The following SLC35G4 variants were observed in gnomAD, a reference collection of about 807,000 sequenced individuals.
SLC35G4 encodes the protein acyl-malonyl-condensing enzyme 1-like protein 1.
A neutral mutation model predicts 15.8 loss-of-function variants in SLC35G4; 12 were observed. The observed-to-expected ratio is 0.76, with a 90% CI of 0.49 to 1.23. The LOEUF (loss-of-function observed/expected upper bound fraction) is 1.23, where lower values mean the gene tolerates loss of function less well. SLC35G4 is among the 50% of genes most tolerant of loss of function. SLC35G4 has a pLI of 0.00. For missense variants in SLC35G4, 390 were observed against 422.1 expected, an observed-to-expected ratio of 0.92 and a Z score of 0.67; for synonymous variants, 177 against 186.5, an observed-to-expected ratio of 0.95 and a Z score of 0.41.
In SLC35G4 at chr18:11,609,810, T is replaced by C; in HGVS notation, c.215T>C (p.Leu72Pro). ...YQASNLPSLE[L>P]VICRCLFHLP... ...GCTTCCAACCTGCCCTCGCTGGAGC[T>C]GGTCATCTGTCGATGCCTCTTCCAC... The change falls in exon 1 of 1, where the codon CTG (leucine) becomes CCG (proline). Residue 72 changes from leucine to proline, a missense_variant. Around this residue, in one of 2 missense-constraint regions of SLC35G4, gnomAD observed 331 missense variants for 241.1 expected, o/e 1.37. Coordinates refer to ENST00000588001, the MANE Select transcript of SLC35G4 (RefSeq NM_001282300.2). 6.2e-6 allele frequency: 10 copies of C among 1,613,730 alleles called. No individual in the cohort carries two copies. Among genetic ancestry groups the C allele is most frequent in the Non-Finnish European group, 7.6e-6 (9 of 1,179,786 alleles).
chr18:11,610,019 T>C lies in SLC35G4; in HGVS notation c.424T>C (p.Ser142Pro). The change falls in exon 1 of 1, where the codon TCC (serine) becomes CCC (proline). Residue 142 changes from serine (S) to proline (P), a missense_variant. By Grantham distance (74) the Ser-to-Pro change is moderately conservative. This residue lies in a region of SLC35G4 where 331 missense variants were observed against 241.1 expected (regional missense o/e 1.37). Transcript: ENST00000588001. Reference sequence around the variant, plus strand: ...TCGCAAACATTCTTCCACCGTCTGCTCCGCCATCCTCACCCTCTGCCTTGA... The same window carrying C: ...TCGCAAACATTCTTCCACCGTCTGCCCCGCCATCCTCACCCTCTGCCTTGA... ...TVRKHSSTVCSAILTLCLESQ... is the reference protein window; with the variant it reads ...TVRKHSSTVCPAILTLCLESQ... 2 of 1,613,912 alleles carry C rather than the reference T, an allele frequency of 1.2e-6. No individual in the cohort carries two copies. Among genetic ancestry groups the C allele is most frequent in the Non-Finnish European group, 1.7e-6 (2 of 1,179,810 alleles).
chr18:11,609,630 A>C lies in SLC35G4; in HGVS notation c.35A>C (p.Asp12Ala). The C allele has an allele frequency of 1.2e-6, 2 of 1,608,962 alleles. No homozygotes were observed. The highest frequency in any genetic ancestry group is 2.2e-5 in the South Asian group (2 of 90,482). Residue 12 changes from aspartate (D) to alanine (A), a missense_variant, in exon 1 of 1, where the codon GAC (aspartate) becomes GCC (alanine). By Grantham distance (126) the Asp-to-Ala change is moderately radical. Coordinates refer to ENST00000588001, the MANE Select transcript of SLC35G4 (RefSeq NM_001282300.2). ...AGTCACCCCTACTTCAACCTGCCTGACTCCACACACCCATCGCCGCCCTCC... is the reference window on the plus strand; with the variant it reads ...AGTCACCCCTACTTCAACCTGCCTGCCTCCACACACCCATCGCCGCCCTCC... Reference protein sequence around the residue: ...AGSHPYFNLPDSTHPSPPSTP... With the variant: ...AGSHPYFNLPASTHPSPPSTP...
Position 11,609,930 on chromosome 18 carries a change from T to C in SLC35G4, c.335T>C (p.Val112Ala), listed in dbSNP as rs761954248. Residue 112 changes from valine to alanine, a missense_variant, in exon 1 of 1, where the codon GTC becomes GCC. Transcript: ENST00000588001. ...ACCTGCTTCTGTGCCCTGCTCAACG[T>C]CCTCAACATTGGATGTGCCTATAGT... ...GRTCFCALLN[V>A]LNIGCAYSAV... is the part of the protein sequence containing the mutation. 1.9e-6 allele frequency: 3 copies of C among 1,614,006 alleles called. No homozygotes were observed. Among genetic ancestry groups the C allele is most frequent in the Non-Finnish European group, 8.5e-7 (1 of 1,179,870 alleles).
Position 11,609,791 on chromosome 18 carries a change from A to T in SLC35G4, c.196A>T (p.Asn66Tyr), listed in dbSNP as rs2029968698. 5.0e-6 allele frequency: 8 copies of T among 1,613,728 alleles called. No homozygotes were observed. Among genetic ancestry groups the T allele is most frequent in the Non-Finnish European group, 6.8e-6 (8 of 1,179,784 alleles). The change falls in exon 1 of 1, where the codon AAC becomes TAC. Residue 66 changes from asparagine to tyrosine, a missense_variant. Physicochemically the swap from Asn to Tyr is moderately radical, Grantham distance 143. Coordinates refer to ENST00000588001, the MANE Select transcript of SLC35G4 (RefSeq NM_001282300.2). Reference protein sequence around the residue: ...PLSRMAYQASNLPSLELVICR... With the variant: ...PLSRMAYQASYLPSLELVICR... ...TTCTCGTATGGCTTACCAGGCTTCC[A>T]ACCTGCCCTCGCTGGAGCTGGTCAT...
At position 11,610,221 on chromosome 18, in the gene SLC35G4, T is replaced by C; in HGVS notation, c.626T>C (p.Val209Ala). Residue 209 changes from valine (V) to alanine (A), a missense_variant, in exon 1 of 1, where the codon GTC becomes GCC. By Grantham distance (64) the Val-to-Ala change is moderately conservative (BLOSUM62 0). Around this residue, in one of 2 missense-constraint regions of SLC35G4, gnomAD observed 59 missense variants for 181.0 expected, o/e 0.33. Transcript: ENST00000588001. ...GGLALSLGLL[V>A]YRSLHFPSCL... ...CTGGCGCTGTCCCTGGGGCTTCTCG[T>C]CTATCGTTCTCTGCACTTTCCCTCC... 1 of 1,609,102 alleles carries C rather than the reference T, an allele frequency of 6.2e-7. No individual in the cohort carries two copies. Among genetic ancestry groups the C allele is most frequent in the Non-Finnish European group, 8.5e-7 (1 of 1,178,522 alleles).
chr18:11,609,864 G>A lies in SLC35G4; in HGVS notation c.269G>A (p.Arg90His), dbSNP rs112705545. The A allele has an allele frequency of 0.11, 180,757 of 1,613,208 alleles. 13,474 individuals are homozygous for A. Among genetic ancestry groups the A allele is most frequent in the East Asian group, 0.34 (15,352 of 44,804 alleles). The change falls in exon 1 of 1, where the codon CGT becomes CAT. Residue 90 changes from arginine to histidine, a missense_variant. Physicochemically the swap from Arg to His is conservative, Grantham distance 29. Coordinates refer to ENST00000588001, the MANE Select transcript of SLC35G4 (RefSeq NM_001282300.2). ...CCTATTGCCCTGCTACTTAAACTGC[G>A]TGGCGACCCCCTTCTGGGACCTCCT... ...HLPIALLLKLRGDPLLGPPDI... is the reference protein window; with the variant it reads ...HLPIALLLKLHGDPLLGPPDI...
In SLC35G4 at chr18:11,609,793, C is replaced by G; in HGVS notation, c.198C>G (p.Asn66Lys). The stretch of plus-strand genomic sequence containing the variant: ...CTCGTATGGCTTACCAGGCTTCCAA[C>G]CTGCCCTCGCTGGAGCTGGTCATCT... ...PLSRMAYQASNLPSLELVICR... is the reference protein window; with the variant it reads ...PLSRMAYQASKLPSLELVICR... The change falls in exon 1 of 1, where the codon AAC (asparagine) becomes AAG (lysine). Residue 66 changes from asparagine to lysine, a missense_variant. Asn to Lys is a moderately conservative substitution (Grantham distance 94). Transcript: ENST00000588001. The G allele has an allele frequency of 1.2e-6, 2 of 1,613,784 alleles. No homozygotes were observed. The highest frequency in any genetic ancestry group is 1.7e-6 in the Non-Finnish European group (2 of 1,179,808).
chr18:11,609,965 G>T lies in SLC35G4; in HGVS notation c.370G>T (p.Val124Leu), dbSNP rs1347119908. 20 of 1,613,908 alleles carry T rather than the reference G, an allele frequency of 1.2e-5. 1 individual carries two copies. The highest frequency in any genetic ancestry group is 1.7e-5 in the Admixed American group (1 of 60,002). The part of the protein sequence containing the change: ...NIGCAYSAVQ[V>L]VPTGNAATVR... The stretch of plus-strand genomic sequence containing the variant: ...TGGATGTGCCTATAGTGCGGTTCAG[G>T]TGGTGCCCACTGGCAATGCTGCCAC... Residue 124 changes from valine (V) to leucine (L), a missense_variant, in exon 1 of 1, where the codon GTG becomes TTG. This residue lies in a region of SLC35G4 where 331 missense variants were observed against 241.1 expected (regional missense o/e 1.37). Coordinates refer to ENST00000588001, the MANE Select transcript of SLC35G4 (RefSeq NM_001282300.2).
rs761954248 is a variant in SLC35G4 at position 11,609,930 on chromosome 18, T to G, written c.335T>G (p.Val112Gly). 13 of 1,613,888 alleles carry G rather than the reference T, an allele frequency of 8.1e-6. No homozygotes were observed. The highest frequency in any genetic ancestry group is 1.0e-5 in the Non-Finnish European group (12 of 1,179,878). ...GRTCFCALLN[V>G]LNIGCAYSAV... ...ACCTGCTTCTGTGCCCTGCTCAACG[T>G]CCTCAACATTGGATGTGCCTATAGT... Residue 112 changes from valine to glycine, a missense_variant, in exon 1 of 1, where the codon GTC becomes GGC. Physicochemically the swap from Val to Gly is moderately radical, Grantham distance 109. Transcript: ENST00000588001.
chr18:11,610,198 G>A lies in SLC35G4; in HGVS notation c.603G>A (p.Leu201=). Reference sequence around the variant, plus strand: ...ATGTGCAGGCTTTCCTGGGAGGACTGGCGCTGTCCCTGGGGCTTCTCGTCT... The same window carrying A: ...ATGTGCAGGCTTTCCTGGGAGGACTAGCGCTGTCCCTGGGGCTTCTCGTCT... ...LGYVQAFLGG[L]ALSLGLLVYR... is the part of the protein sequence containing the mutation. Residue 201 remains leucine (L), a synonymous_variant, in exon 1 of 1, where the codon CTG becomes CTA. Transcript: ENST00000588001. 6.2e-7 allele frequency: 1 copy of A among 1,611,060 alleles called. No individual in the cohort carries two copies. The highest frequency in any genetic ancestry group is 1.1e-5 in the South Asian group (1 of 90,968).
chr18:11,609,939 T>A lies in SLC35G4; in HGVS notation c.344T>A (p.Ile115Asn), dbSNP rs773509211. 6.2e-7 allele frequency: 1 copy of A among 1,613,980 alleles called. No individual in the cohort carries two copies. Among genetic ancestry groups the A allele is most frequent in the African/African-American group, 1.3e-5 (1 of 75,056 alleles). Residue 115 changes from isoleucine (I) to asparagine (N), a missense_variant, in exon 1 of 1, where the codon ATT (isoleucine) becomes AAT (asparagine). Transcript: ENST00000588001. ...TGTGCCCTGCTCAACGTCCTCAACA[T>A]TGGATGTGCCTATAGTGCGGTTCAG... ...CFCALLNVLN[I>N]GCAYSAVQVV...
At position 11,609,606 on chromosome 18, in the gene SLC35G4, G is replaced by A; in HGVS notation, c.11G>A (p.Ser4Asn). MAG[S>N]HPYFNLPDST... is the part of the protein sequence containing the mutation. The stretch of plus-strand genomic sequence containing the variant: ...AAAGTCCAAGGAAAGATGGCTGGCA[G>A]TCACCCCTACTTCAACCTGCCTGAC... The change falls in exon 1 of 1, where the codon AGT becomes AAT. Residue 4 changes from serine to asparagine, a missense_variant. Coordinates refer to ENST00000588001, the MANE Select transcript of SLC35G4 (RefSeq NM_001282300.2). The A allele has an allele frequency of 6.3e-7, 1 of 1,594,644 alleles. No individual in the cohort carries two copies. Among genetic ancestry groups the A allele is most frequent in the East Asian group, 2.2e-5 (1 of 44,722 alleles).
chr18:11,609,703 CA>C lies in SLC35G4; in HGVS notation c.109del (p.Thr37ProfsTer131). ...ACCAGCGCTGCCAGCCCTCTGATGC[CA>C]CCAATGGCCTGCTGGTGGCCCTGCT... ...WHQRCQPSDATNGLLVALLGG... is the reference protein window; with the variant it reads ...WHQRCQPSDAXNGLLVALLGG... On this transcript the variant is annotated frameshift_variant, in exon 1 of 1. Transcript: ENST00000588001. LOFTEE classifies it high-confidence loss of function. 1 of 1,613,976 alleles carries C rather than the reference CA, an allele frequency of 6.2e-7. No homozygotes were observed.
chr18:11,610,180 G>C lies in SLC35G4; in HGVS notation c.585G>C (p.Gln195His). 6.2e-7 allele frequency: 1 copy of C among 1,611,524 alleles called. No individual in the cohort carries two copies. Among genetic ancestry groups the C allele is most frequent in the Non-Finnish European group, 8.5e-7 (1 of 1,179,664 alleles). ...TGVYTGLGYVQAFLGGLALSL... is the reference protein window; with the variant it reads ...TGVYTGLGYVHAFLGGLALSL... The stretch of plus-strand genomic sequence containing the variant: ...TCTACACCGGCCTGGGCTATGTGCA[G>C]GCTTTCCTGGGAGGACTGGCGCTGT... Residue 195 changes from glutamine to histidine, a missense_variant, in exon 1 of 1, where the codon CAG becomes CAC. Physicochemically the swap from Gln to His is conservative, Grantham distance 24. Coordinates refer to ENST00000588001, the MANE Select transcript of SLC35G4 (RefSeq NM_001282300.2).
rs543810198 is a variant in SLC35G4 at position 11,610,067 on chromosome 18, G to A, written c.472G>A (p.Asp158Asn). 5.4e-5 allele frequency: 87 copies of A among 1,613,976 alleles called. No individual in the cohort carries two copies. In the East Asian group the frequency reaches 1.1e-3, roughly 20 times the overall value. Residue 158 changes from aspartate (D) to asparagine (N), a missense_variant, in exon 1 of 1, where the codon GAC (aspartate) becomes AAC (asparagine). By Grantham distance (23) the Asp-to-Asn change is conservative. Transcript: ENST00000588001. ...CLESQVLSGY[D>N]WCGLLGSILG... ...TGAGAGCCAGGTTCTCAGTGGCTAC[G>A]ACTGGTGTGGACTGTTGGGCAGCAT...
In SLC35G4 at chr18:11,609,698, G is replaced by T. The variant is rs1440462869; in HGVS notation, c.103G>T (p.Asp35Tyr). The T allele has an allele frequency of 6.2e-7, 1 of 1,614,004 alleles. No individual in the cohort carries two copies. Among genetic ancestry groups the T allele is most frequent in the South Asian group, 1.1e-5 (1 of 91,068 alleles). Residue 35 changes from aspartate (D) to tyrosine (Y), a missense_variant, in exon 1 of 1, where the codon GAT becomes TAT. By Grantham distance (160) the Asp-to-Tyr change is radical (BLOSUM62 -3). This residue lies in a region of SLC35G4 where 331 missense variants were observed against 241.1 expected (regional missense o/e 1.37). Coordinates refer to ENST00000588001, the MANE Select transcript of SLC35G4 (RefSeq NM_001282300.2). ...CTGGCACCAGCGCTGCCAGCCCTCT[G>T]ATGCCACCAATGGCCTGCTGGTGGC... Reference protein sequence around the residue: ...LHWHQRCQPSDATNGLLVALL... With the variant: ...LHWHQRCQPSYATNGLLVALL...
chr18:11,609,942 G>A lies in SLC35G4; in HGVS notation c.347G>A (p.Gly116Glu). The A allele has an allele frequency of 1.2e-6, 2 of 1,614,006 alleles. No individual in the cohort carries two copies. Among genetic ancestry groups the A allele is most frequent in the Non-Finnish European group, 1.7e-6 (2 of 1,179,868 alleles). Residue 116 changes from glycine (G) to glutamate (E), a missense_variant, in exon 1 of 1, where the codon GGA becomes GAA. Coordinates refer to ENST00000588001, the MANE Select transcript of SLC35G4 (RefSeq NM_001282300.2). ...FCALLNVLNI[G>E]CAYSAVQVVP... ...GCCCTGCTCAACGTCCTCAACATTG[G>A]ATGTGCCTATAGTGCGGTTCAGGTG...
chr18:11,609,884 C>A lies in SLC35G4; in HGVS notation c.289C>A (p.Pro97Thr). ...ACTGCGTGGCGACCCCCTTCTGGGA[C>A]CTCCTGACATCCGAGGCCGCACCTG... ...LKLRGDPLLG[P>T]PDIRGRTCFC... Residue 97 changes from proline (P) to threonine (T), a missense_variant, in exon 1 of 1, where the codon CCT becomes ACT. Pro to Thr is a conservative substitution (Grantham distance 38). Transcript: ENST00000588001. 6.2e-7 allele frequency: 1 copy of A among 1,613,410 alleles called. No individual in the cohort carries two copies. Among genetic ancestry groups the A allele is most frequent in the Non-Finnish European group, 8.5e-7 (1 of 1,179,482 alleles).
chr18:11,609,850 G>A lies in SLC35G4; in HGVS notation c.255G>A (p.Leu85=). The change falls in exon 1 of 1, where the codon CTG becomes CTA. Residue 85 remains leucine (L), a synonymous_variant. Transcript: ENST00000588001. ...GCCTCTTCCACCTCCCTATTGCCCT[G>A]CTACTTAAACTGCGTGGCGACCCCC... ...CRCLFHLPIA[L]LLKLRGDPLL... is the part of the protein sequence containing the mutation. 1.2e-6 allele frequency: 2 copies of A among 1,613,634 alleles called. No homozygotes were observed. The highest frequency in any genetic ancestry group is 1.3e-5 in the African/African-American group (1 of 74,934).
Sources: gnomAD v4.1 joint callset for allele counts on GRCh38, gnomAD v4.1.1 for gene constraint, gnomAD v4.1.1 regional missense constraint, MANE v1.5 for transcripts, NCBI Gene and HGNC (gene_info 2026-07-23, HGNC 2026-07-21) for gene names.